Variants in ASNS observed in about 807,000 individuals in gnomAD.
ASNS encodes asparagine synthetase [glutamine-hydrolyzing].
In ASNS, 37 loss-of-function variants were observed where a neutral mutation model predicts 62.6. That is an observed-to-expected ratio of 0.59 (90% confidence interval 0.45 to 0.78). The LOEUF (loss-of-function observed/expected upper bound fraction) is 0.78, where lower values mean the gene tolerates loss of function less well. Among genes scored for constraint, ASNS ranks in the 30% least tolerant of loss-of-function variants. The pLI is 0.00. For synonymous variants in ASNS, 207 were observed against 237.9 expected (o/e 0.87, Z 1.19); for missense variants, 520 against 682.4 (o/e 0.76, Z 2.65).
the ASNS span, chr7:97,928,200 C>T: frequency 2.7e-5 from 42 of 1,529,166 alleles, no homozygotes; most frequent in African/African-American, 4.3e-4. Flanking sequence ...GAGCCGCAGC[C>T]TCTTCTCTTC....
At chr7:97,860,594 TTTGA>T (rs1338209381) in intron 4 of ASNS, among the ~76,000 whole-genome samples, 1 of 152,214 alleles carries the variant, frequency 6.6e-6, no homozygotes, top group African/African-American at 2.4e-5. Flanking sequence ...TAAGGACCCC[TTTGA>T]TTGATCTCAT....
intron 3 of ASNS, among the ~76,000 whole-genome samples, chr7:97,868,084 G>C (rs933088680): frequency 6.6e-6 from 1 of 152,176 alleles, no homozygotes; most frequent in African/African-American, 2.4e-5. Context: ...AAGGTGGGCA[G>C]ATTACCTGAG....
At chr7:97,861,911 T>C in intron 4 of ASNS, among the ~76,000 whole-genome samples, 1 of 152,336 alleles carries the variant, frequency 6.6e-6, no homozygotes, top group East Asian at 1.9e-4. Flanking sequence ...TTTTATTCTT[T>C]TTGATGCTAT....
chr7:97,902,437 C>T, the ASNS span, among the ~76,000 whole-genome samples: 28 of 152,112 alleles, frequency 1.8e-4, no homozygotes, highest in Non-Finnish European at 4.1e-4. Context: ...ACTGGCCAGA[C>T]GCAGTGGCTC....
At chr7:97,885,759 C>T in the ASNS span, 1 of 227,716 alleles carries the variant, frequency 4.4e-6, no homozygotes, top group East Asian at 9.0e-5. Flanking sequence ...ATCCAAAATA[C>T]CAGGTCAACA....
intron 3 of ASNS, among the ~76,000 whole-genome samples, chr7:97,866,920 G>A (rs775786537): frequency 4.6e-5 from 7 of 152,204 alleles, no homozygotes; most frequent in South Asian, 4.1e-4. Context: ...ACTGCCTGAA[G>A]GGTTAGTGAC....
At chr7:97,891,961 C>A in the ASNS span, among the ~76,000 whole-genome samples, 1 of 152,248 alleles carries the variant, frequency 6.6e-6, no homozygotes, top group African/African-American at 2.4e-5. Flanking sequence ...GCAGTAGGGA[C>A]TCTATGTGGG....
chr7:97,853,412 A>C, intron 10 of ASNS, 26 bp from the exon 11 acceptor site: 1 of 1,592,162 alleles, frequency 6.3e-7, no homozygotes, highest in Non-Finnish European at 8.6e-7. Flanking sequence ...AAGAAAATCT[A>C]AATTAAAATG....
At chr7:97,900,359 T>TAAAAAAAAAAAAAA in the ASNS span, among the ~76,000 whole-genome samples, 2 of 58,364 alleles carry the variant, frequency 3.4e-5, no homozygotes, top group Non-Finnish European at 5.7e-5. Flanking sequence ...AGACTTTGTC[T>TAAAAAAAAAAAAAA]CAAAAAAAAA....
the ASNS span, among the ~76,000 whole-genome samples, chr7:97,912,526 G>A: frequency 7.0e-6 from 1 of 142,086 alleles, no homozygotes; most frequent in Non-Finnish European, 1.5e-5. Flanking sequence ...TTGACAAATT[G>A]CCTCCCCTAG....
chr7:97,894,586 T>C, the ASNS span, among the ~76,000 whole-genome samples: 2 of 151,070 alleles, frequency 1.3e-5, no homozygotes, highest in Non-Finnish European at 2.9e-5. Flanking sequence ...TTAGAGGCTA[T>C]TATGAACAAC....
At chr7:97,915,190 C>T in the ASNS span, among the ~76,000 whole-genome samples, 2 of 152,158 alleles carry the variant, frequency 1.3e-5, no homozygotes, top group Non-Finnish European at 2.9e-5. Context: ...CCTGACACCA[C>T]CTTCTAGGAT....
the ASNS span, among the ~76,000 whole-genome samples, chr7:97,920,688 T>C: frequency 1.3e-5 from 2 of 152,210 alleles, no homozygotes; most frequent in Admixed American, 1.3e-4. Flanking sequence ...TGCAGTTGCC[T>C]GCAAGGAGGG....
chr7:97,854,852 TACCA>T, intron 9 of ASNS, 172 bp from the exon 10 acceptor site: 1 of 1,127,174 alleles, frequency 8.9e-7, no homozygotes, highest in Non-Finnish European at 1.3e-6. Flanking sequence ...CCTTCCTTCC[TACCA>T]AACTGCTAAT....
chr7:97,920,205 T>A, the ASNS span, among the ~76,000 whole-genome samples: 1 of 152,176 alleles, frequency 6.6e-6, no homozygotes, highest in Non-Finnish European at 1.5e-5. Flanking sequence ...GTTTTCACCA[T>A]GTTGGCCAGG....
chr7:97,910,539 G>A, the ASNS span, among the ~76,000 whole-genome samples: 1 of 151,982 alleles, frequency 6.6e-6, no homozygotes, highest in Non-Finnish European at 1.5e-5. Context: ...ACAGGAGGGG[G>A]CTAACATTAA....
chr7:97,886,342 T>C, the ASNS span, among the ~76,000 whole-genome samples: 1 of 151,722 alleles, frequency 6.6e-6, no homozygotes, highest in Non-Finnish European at 1.5e-5. Context: ...AGAAACGGGG[T>C]TTCACCATGT....
upstream of ASNS, among the ~76,000 whole-genome samples, chr7:97,873,132 A>C (rs1438048635): frequency 6.6e-6 from 1 of 152,240 alleles, no homozygotes; most frequent in Admixed American, 6.5e-5. Flanking sequence ...GTCCTTAAAC[A>C]TTTTAAGTAC....
At chr7:97,920,991 A>T in the ASNS span, among the ~76,000 whole-genome samples, 1 of 152,166 alleles carries the variant, frequency 6.6e-6, no homozygotes, top group African/African-American at 2.4e-5. Flanking sequence ...CCTTGCCTGG[A>T]GACCCATCTT....
Sources: allele counts gnomAD v4.1 joint callset (sites outside exome capture counted in the v4.1 genomes callset), GRCh38; gene constraint gnomAD v4.1.1; transcripts MANE v1.5; gene names NCBI Gene and HGNC (gene_info 2026-07-23, HGNC 2026-07-21).